Variants in CRPPA observed in about 807,000 individuals in gnomAD.
The protein encoded by CRPPA is CDP-L-ribitol pyrophosphorylase A, also known as D-ribitol-5-phosphate cytidylyltransferase.
Under a neutral mutation model 52.0 loss-of-function variants are expected in CRPPA, and 43 were observed. The ratio of observed to expected loss-of-function variants is 0.83; its 90% CI spans 0.65 to 1.07. The LOEUF is 1.07. Among genes scored for constraint, CRPPA ranks in the 50% least tolerant of loss-of-function variants. CRPPA has a pLI of 0.00. For synonymous variants in CRPPA, 250 were observed against 203.5 expected (o/e 1.23, Z -1.94); for missense variants, 629 against 551.7 (o/e 1.14, Z -1.40).
chr7:16,398,080 C>T (rs1467994722), intron 2 of CRPPA, among the ~76,000 whole-genome samples: 4 of 151,714 alleles, frequency 2.6e-5, no homozygotes, highest in South Asian at 2.1e-4. Context: ...ATGATTGACA[C>T]GTGAACAATA....
chr7:16,255,918 G>C (rs1583470556), intron 8 of CRPPA, among the ~76,000 whole-genome samples: 1 of 152,112 alleles, frequency 6.6e-6, no homozygotes, highest in African/African-American at 2.4e-5. Context: ...AAAAGCAATG[G>C]CAACAAAAGC....
chr7:16,307,567 C>A (rs1346044216), intron 4 of CRPPA, among the ~76,000 whole-genome samples: 1 of 148,804 alleles, frequency 6.7e-6, no homozygotes, highest in East Asian at 2.0e-4. Flanking sequence ...GTGATCCCAG[C>A]TACTTGGGAG....
intron 8 of CRPPA, among the ~76,000 whole-genome samples, chr7:16,233,104 C>T (rs145712321): frequency 1.3e-5 from 2 of 151,844 alleles, no homozygotes; most frequent in Admixed American, 1.3e-4. Context: ...GATTAGTAAA[C>T]TTGAAGACAC....
intron 8 of CRPPA, among the ~76,000 whole-genome samples, chr7:16,245,658 T>C (rs1783251799): frequency 6.6e-6 from 1 of 152,160 alleles, no homozygotes. Flanking sequence ...AGTCAGCCTA[T>C]GCAATGGGAA....
chr7:16,286,038 A>AAAATATATATATATATATATAT (rs1784426837), intron 5 of CRPPA, among the ~76,000 whole-genome samples: 2 of 17,502 alleles, frequency 1.1e-4, no homozygotes, highest in Non-Finnish European at 1.9e-4. Context: ...AAAAAAAAAA[A>AAAATATATATATATATATATAT]ATATAAATAT....
chr7:16,370,416 C>T (rs2128311001), intron 3 of CRPPA, among the ~76,000 whole-genome samples: 1 of 152,294 alleles, frequency 6.6e-6, no homozygotes, highest in South Asian at 2.1e-4. Context: ...GCTGAACCCA[C>T]TGCTGGGAGA....
At chr7:16,105,126 A>C (rs17169266) in intron 9 of CRPPA, among the ~76,000 whole-genome samples, 5,445 of 152,040 alleles carry the variant, frequency 0.036, 320 homozygotes, top group African/African-American at 0.12. Flanking sequence ...GGTGTAGAAT[A>C]GGTGAGGTCA....
At chr7:16,392,038 C>A (rs1583572138) in intron 2 of CRPPA, among the ~76,000 whole-genome samples, 1 of 152,256 alleles carries the variant, frequency 6.6e-6, no homozygotes, top group African/African-American at 2.4e-5. Flanking sequence ...AACAACAATG[C>A]AAGTCTCATT....
At chr7:16,288,114 A>G (rs562664657) in intron 5 of CRPPA, among the ~76,000 whole-genome samples, 2 of 152,240 alleles carry the variant, frequency 1.3e-5, no homozygotes, top group South Asian at 4.1e-4. Context: ...AGTTGTGAAA[A>G]AATAAATTTT....
chr7:16,398,233 T>C (rs7791797), intron 2 of CRPPA, among the ~76,000 whole-genome samples: 4,123 of 48,740 alleles, frequency 0.085, 178 homozygotes, highest in African/African-American at 0.37. Context: ...ATAACGTGAC[T>C]GACACGTGAC....
chr7:16,101,685 G>C (rs757604079), intron 9 of CRPPA, among the ~76,000 whole-genome samples: 26 of 151,960 alleles, frequency 1.7e-4, no homozygotes, highest in Non-Finnish European at 2.5e-4. Context: ...AATAGACAGA[G>C]AGCCAAATCA....
intron 2 of CRPPA, among the ~76,000 whole-genome samples, chr7:16,376,512 A>G (rs1786892131): frequency 6.8e-6 from 1 of 148,110 alleles, no homozygotes; most frequent in South Asian, 2.1e-4. Context: ...AGTCAACACT[A>G]AAAAAAAAGA....
At chr7:16,408,310 A>C (rs1421356442) in intron 1 of CRPPA, among the ~76,000 whole-genome samples, 1 of 152,138 alleles carries the variant, frequency 6.6e-6, no homozygotes, top group African/African-American at 2.4e-5. Flanking sequence ...ATTCTCCAAG[A>C]AAAGGGAGTT....
At chr7:16,265,870 A>G (rs1783939577) in intron 6 of CRPPA, among the ~76,000 whole-genome samples, 2 of 152,326 alleles carry the variant, frequency 1.3e-5, no homozygotes, top group Middle Eastern at 6.8e-3. Flanking sequence ...CAGGCACAAA[A>G]GTTTGCATAA....
chr7:16,154,291 G>T (rs961171747), intron 9 of CRPPA, among the ~76,000 whole-genome samples: 3 of 151,950 alleles, frequency 2.0e-5, no homozygotes, highest in Non-Finnish European at 4.4e-5. Flanking sequence ...AGAGGTATAC[G>T]TGTGCCACGG....
At chr7:16,342,380 G>A (rs1463915341) in intron 3 of CRPPA, among the ~76,000 whole-genome samples, 1 of 152,024 alleles carries the variant, frequency 6.6e-6, no homozygotes, top group Admixed American at 6.6e-5. Flanking sequence ...TAAGTTAAGA[G>A]ACCAGGTAAA....
At chr7:16,289,110 G>T (rs755662610) in intron 5 of CRPPA, among the ~76,000 whole-genome samples, 1 of 152,042 alleles carries the variant, frequency 6.6e-6, no homozygotes, top group Non-Finnish European at 1.5e-5. Context: ...CTTAGAGGAA[G>T]TTGTTAAATT....
chr7:16,413,890 C>T (rs1431295527), intron 1 of CRPPA, among the ~76,000 whole-genome samples: 1 of 152,052 alleles, frequency 6.6e-6, no homozygotes, highest in Non-Finnish European at 1.5e-5. Context: ...TTTTTCTCCC[C>T]AAATTTACCT....
At chr7:16,381,088 G>T (rs1196322135) in intron 2 of CRPPA, among the ~76,000 whole-genome samples, 1 of 151,690 alleles carries the variant, frequency 6.6e-6, no homozygotes, top group African/African-American at 2.4e-5. Context: ...ATGTTAGGGT[G>T]TCAATTTTGG....
Sources: allele counts gnomAD v4.1 joint callset (sites outside exome capture counted in the v4.1 genomes callset), GRCh38; gene constraint gnomAD v4.1.1; transcripts MANE v1.5; gene names NCBI Gene and HGNC (gene_info 2026-07-23, HGNC 2026-07-21).